SH3GL2: variants seen among roughly 807,000 people sequenced by gnomAD.
SH3GL2 encodes endophilin-A1.
SH3GL2 carries 24 observed loss-of-function variants against 46.0 expected under a neutral mutation model. The observed-to-expected ratio is 0.52, with a 90% CI of 0.38 to 0.73. The LOEUF (loss-of-function observed/expected upper bound fraction) is 0.73. SH3GL2 is among the 30% of genes least tolerant of loss of function. The pLI, the probability that SH3GL2 is intolerant of heterozygous loss-of-function variation, is 0.00. For missense variants in SH3GL2, 413 were observed against 424.2 expected (o/e 0.97, Z 0.23); for synonymous variants, 196 against 147.1 (o/e 1.33, Z -2.40).
At chr9:17,705,884 A>C (rs1344807479) in intron 1 of SH3GL2, among the ~76,000 whole-genome samples, 1 of 151,916 alleles carries the variant, frequency 6.6e-6, no homozygotes, top group South Asian at 2.1e-4. Flanking sequence ...AAATACACCA[A>C]ATGCTCATGA....
At chr9:17,629,224 T>C (rs923041418) in intron 1 of SH3GL2, among the ~76,000 whole-genome samples, 9 of 152,316 alleles carry the variant, frequency 5.9e-5, no homozygotes, top group African/African-American at 2.2e-4. Context: ...TGTGTAGTCA[T>C]TAAACAAAGG....
At chr9:17,732,454 A>G (rs1181880092) in intron 1 of SH3GL2, among the ~76,000 whole-genome samples, 1 of 152,152 alleles carries the variant, frequency 6.6e-6, no homozygotes. Context: ...ATTCTGGAGC[A>G]TATATCAGGC....
At chr9:17,743,425 C>T (rs899910359) in intron 1 of SH3GL2, among the ~76,000 whole-genome samples, 2 of 152,058 alleles carry the variant, frequency 1.3e-5, no homozygotes, top group African/African-American at 4.8e-5. Context: ...TAACATCATT[C>T]GCTATATTTG....
At chr9:17,599,540 G>A (rs953142141) in intron 1 of SH3GL2, among the ~76,000 whole-genome samples, 2 of 150,810 alleles carry the variant, frequency 1.3e-5, no homozygotes, top group Non-Finnish European at 2.9e-5. Flanking sequence ...GATAATTGGG[G>A]ATGTGCAAAG....
At chr9:17,605,507 T>A (rs1221777180) in intron 1 of SH3GL2, among the ~76,000 whole-genome samples, 1 of 152,088 alleles carries the variant, frequency 6.6e-6, no homozygotes, top group Non-Finnish European at 1.5e-5. Context: ...TAAAGGGTAA[T>A]GAAATGCTGC....
At position 17,684,454 on chromosome 9, in the gene SH3GL2, C is replaced by CT. The variant is rs545404390; in HGVS notation, c.46-62609dup. On this transcript the variant is annotated intron_variant, in intron 1 of 8. Coordinates refer to ENST00000380607, the MANE Select transcript of SH3GL2 (RefSeq NM_003026.5). Reference sequence around the variant, plus strand: ...CCAAAAATGTTAGAGCCCCTAAGAGCTTTAGTACAATATCAAAAGTTCCAG... The same window carrying CT: ...CCAAAAATGTTAGAGCCCCTAAGAGCTTTTAGTACAATATCAAAAGTTCCAG... Among the ~76,000 whole-genome samples the CT allele has an allele frequency of 3.7e-4, 57 of 152,066 alleles. No homozygotes were observed. The South Asian group carries it at 0.011, about 29-fold the overall frequency.
At chr9:17,638,391 A>G (rs940810066) in intron 1 of SH3GL2, among the ~76,000 whole-genome samples, 1 of 152,230 alleles carries the variant, frequency 6.6e-6, no homozygotes, top group African/African-American at 2.4e-5. Context: ...AAAACAGGTA[A>G]CGTTTTGGGT....
intron 1 of SH3GL2, among the ~76,000 whole-genome samples, chr9:17,742,151 G>A (rs948360952): frequency 6.6e-6 from 1 of 152,230 alleles, no homozygotes; most frequent in Admixed American, 6.5e-5. Flanking sequence ...CTGATGATGC[G>A]GTTTTCAAGG....
chr9:17,636,753 C>T (rs1398154945), intron 1 of SH3GL2, among the ~76,000 whole-genome samples: 2 of 152,168 alleles, frequency 1.3e-5, no homozygotes, highest in Non-Finnish European at 2.9e-5. Flanking sequence ...CTTGTGTCCA[C>T]TGTACGTACT....
chr9:17,663,804 G>C (rs78319803), intron 1 of SH3GL2, among the ~76,000 whole-genome samples: 3,149 of 152,164 alleles, frequency 0.021, 112 homozygotes, highest in African/African-American at 0.073. Flanking sequence ...ATAAGCCACA[G>C]GAAAAGAAGC....
At chr9:17,710,989 C>G (rs946969263) in intron 1 of SH3GL2, among the ~76,000 whole-genome samples, 1 of 151,954 alleles carries the variant, frequency 6.6e-6, no homozygotes, top group African/African-American at 2.4e-5. Context: ...TGTGCACATT[C>G]ATTCTCTGTC....
chr9:17,753,502 C>T (rs1328883402), intron 2 of SH3GL2, among the ~76,000 whole-genome samples: 1 of 152,126 alleles, frequency 6.6e-6, no homozygotes, highest in East Asian at 1.9e-4. Flanking sequence ...TGTCCTTTGT[C>T]CACTTTTTAA....
rs143964482 is a variant in SH3GL2, at chr9:17,768,349, C to A, written c.187+6840C>A. On this transcript the variant is annotated intron_variant, in intron 3 of 8. Transcript: ENST00000380607. ...TCATGCCACTGCACTGCAGCCTGGG[C>A]GACAGAGCGGGACTCTGTCTCAAAA... is the stretch of plus-strand genomic sequence containing the variant. 2.3e-5 allele frequency among the ~76,000 whole-genome samples: 3 copies of A among 128,712 alleles called. No individual in the cohort carries two copies. The Admixed American group carries it at 2.9e-4, about 12-fold the overall frequency. 84.4% of individuals were successfully genotyped at this position (128,712 alleles called of 152,430 possible).
chr9:17,620,445 G>A (rs1005966400), intron 1 of SH3GL2, among the ~76,000 whole-genome samples: 1 of 152,180 alleles, frequency 6.6e-6, no homozygotes, highest in African/African-American at 2.4e-5. Context: ...ACCCTATGAG[G>A]TAGATACTAT....
At chr9:17,727,827 G>C (rs1452836067) in intron 1 of SH3GL2, among the ~76,000 whole-genome samples, 1 of 151,954 alleles carries the variant, frequency 6.6e-6, no homozygotes, top group Non-Finnish European at 1.5e-5. Context: ...CCCTTTCCCT[G>C]CCCCACCCCT....
intron 1 of SH3GL2, among the ~76,000 whole-genome samples, chr9:17,645,871 A>C (rs1819803106): frequency 6.6e-6 from 1 of 151,676 alleles, no homozygotes; most frequent in East Asian, 1.9e-4. Context: ...CTTCTTGAGG[A>C]GTATCTTTGT....
At chr9:17,620,159 A>G (rs1819104413) in intron 1 of SH3GL2, among the ~76,000 whole-genome samples, 1 of 152,178 alleles carries the variant, frequency 6.6e-6, no homozygotes, top group Non-Finnish European at 1.5e-5. Context: ...TCCATTTCAC[A>G]TTGTTATGAA....
At chr9:17,777,302 A>G (rs1454569548) in intron 3 of SH3GL2, among the ~76,000 whole-genome samples, 1 of 152,132 alleles carries the variant, frequency 6.6e-6, no homozygotes, top group Non-Finnish European at 1.5e-5. Context: ...TAAAGATAAA[A>G]GCTTCAGAAA....
chr9:17,584,275 C>A (rs777150312), intron 1 of SH3GL2, among the ~76,000 whole-genome samples: 5 of 152,028 alleles, frequency 3.3e-5, no homozygotes, highest in African/African-American at 1.2e-4. Context: ...CCAAGGCGGG[C>A]GGATCACTTG....
Sources: gnomAD v4.1 joint callset for allele counts (sites outside exome capture counted in the v4.1 genomes callset) on GRCh38, gnomAD v4.1.1 for gene constraint, MANE v1.5 for transcripts, NCBI Gene and HGNC (gene_info 2026-07-23, HGNC 2026-07-21) for gene names.